NEBL: variants seen among roughly 807,000 people sequenced by gnomAD.
NEBL encodes the protein nebulette, also known as LIM and SH3 protein 2.
A neutral mutation model predicts 140.2 loss-of-function variants in NEBL; 122 were observed. That is an observed-to-expected ratio of 0.87 (90% CI 0.75 to 1.01). The LOEUF (loss-of-function observed/expected upper bound fraction) is 1.01. NEBL is among the 50% of genes least tolerant of loss of function. NEBL has a pLI of 0.00. For missense variants in NEBL, 1,365 were observed against 1,231.3 expected (o/e 1.11, Z -1.62); for synonymous variants, 436 against 398.9 (o/e 1.09, Z -1.11).
At chr10:20,889,002 CTT>C (rs1369038974) in intron 3 of NEBL, among the ~76,000 whole-genome samples, 1 of 152,224 alleles carries the variant, frequency 6.6e-6, no homozygotes, top group Non-Finnish European at 1.5e-5. Context: ...CTACCACACT[CTT>C]TGGATTTTGG....
chr10:20,805,874 T>G (rs570856027), intron 26 of NEBL, among the ~76,000 whole-genome samples: 49 of 152,202 alleles, frequency 3.2e-4, no homozygotes, highest in African/African-American at 1.1e-3. Flanking sequence ...AAAGTCAACT[T>G]TTTCTTACAA....
Position 21,033,601 on chromosome 10 carries a change from A to G in NEBL, c.165-13400T>C, listed in dbSNP as rs1833883517. Among the ~76,000 whole-genome samples, 5 of 152,114 alleles carry G rather than the reference A, an allele frequency of 3.3e-5. 1 individual carries two copies. In the South Asian group the frequency reaches 1.0e-3, roughly 32 times the overall value. ...CTAAACATACAAAAATTAGCCAGGC[A>G]TGGCGGTGTGCACCTGTAGTCCCAG... On this transcript the variant is annotated intron_variant, in intron 2 of 6. Coordinates refer to the NEBL transcript ENST00000417816.
chr10:20,997,980 G>C (rs1837739661), intron 3 of NEBL, among the ~76,000 whole-genome samples: 1 of 152,094 alleles, frequency 6.6e-6, no homozygotes, highest in Admixed American at 6.6e-5. Context: ...CAGGAATGAT[G>C]AAAATCAAAT....
intron 2 of NEBL, among the ~76,000 whole-genome samples, chr10:21,077,335 T>C (rs1836144462): frequency 6.6e-6 from 1 of 152,234 alleles, no homozygotes; most frequent in Admixed American, 6.5e-5. Context: ...CCGGGCGCAG[T>C]GGCTCACGCC....
chr10:20,979,731 G>C (rs1338230119), intron 3 of NEBL, among the ~76,000 whole-genome samples: 1 of 152,064 alleles, frequency 6.6e-6, no homozygotes, highest in East Asian at 1.9e-4. Context: ...AGTAGAGACA[G>C]GCTCTCACTC....
chr10:21,237,169 A>G (rs1440163921), intron 3 of NEBL, among the ~76,000 whole-genome samples: 1 of 152,140 alleles, frequency 6.6e-6, no homozygotes, highest in Non-Finnish European at 1.5e-5. Flanking sequence ...TTCAAATATG[A>G]CATCTTTCTT....
At chr10:20,940,971 G>A (rs1328916373) in intron 4 of NEBL, among the ~76,000 whole-genome samples, 4 of 151,408 alleles carry the variant, frequency 2.6e-5, no homozygotes, top group Admixed American at 6.6e-5. Flanking sequence ...AAAAGTCCAG[G>A]ACCAGATGGA....
chr10:21,230,562 C>G (rs1842233169), intron 3 of NEBL, among the ~76,000 whole-genome samples: 1 of 150,114 alleles, frequency 6.7e-6, no homozygotes, highest in Non-Finnish European at 1.5e-5. Flanking sequence ...TGGAGGAACT[C>G]TACTTGAATT....
intron 1 of NEBL, among the ~76,000 whole-genome samples, chr10:21,264,576 A>G (rs1488231749): frequency 7.3e-5 from 11 of 151,006 alleles, no homozygotes; most frequent in South Asian, 2.1e-4. Flanking sequence ...ACAGGTGGGG[A>G]AAAAAAAAGA....
At chr10:21,248,369 T>A (rs1398922010) in intron 2 of NEBL, among the ~76,000 whole-genome samples, 5 of 151,752 alleles carry the variant, frequency 3.3e-5, no homozygotes, top group African/African-American at 1.2e-4. Context: ...AAAAAAAAAA[T>A]TACCTTGCAG....
At chr10:20,797,224 C>T (rs185538219) in intron 26 of NEBL, among the ~76,000 whole-genome samples, 19 of 152,234 alleles carry the variant, frequency 1.2e-4, no homozygotes, top group Non-Finnish European at 2.8e-4. Flanking sequence ...ATTCATTACT[C>T]GAGTACAATG....
At chr10:21,283,316 G>A (rs970042552) in intron 1 of NEBL, among the ~76,000 whole-genome samples, 3 of 152,128 alleles carry the variant, frequency 2.0e-5, no homozygotes, top group South Asian at 4.1e-4. Flanking sequence ...AAAAGGGGAG[G>A]CATGAATAAT....
At chr10:21,010,567 GA>G (rs929297251) in intron 3 of NEBL, among the ~76,000 whole-genome samples, 1 of 150,968 alleles carries the variant, frequency 6.6e-6, no homozygotes, top group Non-Finnish European at 1.5e-5. Flanking sequence ...ACCAACTTTT[GA>G]AGTTCAAAAG....
chr10:20,824,794 G>A (rs950263676), intron 18 of NEBL, among the ~76,000 whole-genome samples: 1 of 152,050 alleles, frequency 6.6e-6, no homozygotes, highest in Non-Finnish European at 1.5e-5. Context: ...TTTTTCAAAG[G>A]GACTCTAATC....
chr10:20,880,047 A>G (rs965556694), intron 5 of NEBL, among the ~76,000 whole-genome samples: 10 of 152,220 alleles, frequency 6.6e-5, no homozygotes, highest in Non-Finnish European at 1.5e-5. Flanking sequence ...AGGTTGGACC[A>G]TCTGTTCTTA....
intron 4 of NEBL, among the ~76,000 whole-genome samples, chr10:20,958,082 T>C (rs1371331018): frequency 6.6e-6 from 1 of 152,178 alleles, no homozygotes; most frequent in African/African-American, 2.4e-5. Context: ...GCTTGTAAAC[T>C]TGAAGGTGGG....
chr10:21,035,869 A>G (rs2131817611), intron 2 of NEBL, among the ~76,000 whole-genome samples: 1 of 152,252 alleles, frequency 6.6e-6, no homozygotes, highest in Non-Finnish European at 1.5e-5. Context: ...GAGTTGTTTA[A>G]AAGAATAAAA....
intron 2 of NEBL, among the ~76,000 whole-genome samples, chr10:21,144,383 C>A (rs973914605): frequency 6.6e-6 from 1 of 152,204 alleles, no homozygotes; most frequent in African/African-American, 2.4e-5. Flanking sequence ...AGGTAACGCA[C>A]CCTCCTTGGC....
chr10:20,851,875 T>G (rs1179122283), intron 10 of NEBL, among the ~76,000 whole-genome samples: 1 of 152,220 alleles, frequency 6.6e-6, no homozygotes. Context: ...CTGTTTCGTA[T>G]ATTTTTAAAA....
Sources: gnomAD v4.1 joint callset for allele counts (sites outside exome capture counted in the v4.1 genomes callset) on GRCh38, gnomAD v4.1.1 for gene constraint, MANE v1.5 for transcripts, NCBI Gene and HGNC (gene_info 2026-07-23, HGNC 2026-07-21) for gene names.